Variants in PACRG observed in about 807,000 individuals in gnomAD.
PACRG encodes parkin coregulated, also known as parkin coregulated gene protein.
In PACRG, 29 loss-of-function variants were observed where a neutral mutation model predicts 29.7. The observed-to-expected ratio is 0.98, with a 90% CI of 0.73 to 1.33. The LOEUF is 1.33. Ranked by LOEUF, PACRG falls within the 40% of genes most tolerant of loss-of-function variation. The pLI, the probability that PACRG is intolerant of heterozygous loss-of-function variation, is 0.00. For missense variants in PACRG, 279 were observed against 316.2 expected (o/e 0.88, Z 0.89); for synonymous variants, 116 against 118.7 (o/e 0.98, Z 0.15).
At chr6:162,965,718 G>A (rs1426117975) in intron 2 of PACRG, among the ~76,000 whole-genome samples, 1 of 152,200 alleles carries the variant, frequency 6.6e-6, no homozygotes, top group African/African-American at 2.4e-5. Flanking sequence ...GGATTATAGT[G>A]ATGCTTTAGA....
chr6:162,938,283 C>T (rs1302979456), intron 2 of PACRG, among the ~76,000 whole-genome samples: 1 of 152,154 alleles, frequency 6.6e-6, no homozygotes, highest in Non-Finnish European at 1.5e-5. Flanking sequence ...ACCACAGTTT[C>T]TTTATCCACT....
intron 1 of PACRG, among the ~76,000 whole-genome samples, chr6:162,752,725 A>G (rs916282235): frequency 6.6e-6 from 1 of 152,202 alleles, no homozygotes; most frequent in African/African-American, 2.4e-5. Flanking sequence ...TAGTTACTTT[A>G]GTTTGATTTT....
chr6:163,206,253 C>T (rs934075376), intron 4 of PACRG, among the ~76,000 whole-genome samples: 35 of 152,112 alleles, frequency 2.3e-4, no homozygotes, highest in African/African-American at 5.1e-4. Context: ...CATAAAGACA[C>T]GTGCACGTGT....
chr6:163,252,894 C>A (rs1253979818), intron 4 of PACRG, among the ~76,000 whole-genome samples: 1 of 152,152 alleles, frequency 6.6e-6, no homozygotes, highest in Admixed American at 6.5e-5. Flanking sequence ...TAAGCAAATT[C>A]TGACTAAGAA....
At chr6:162,919,300 A>T (rs772002988) in intron 2 of PACRG, among the ~76,000 whole-genome samples, 4 of 152,290 alleles carry the variant, frequency 2.6e-5, no homozygotes, top group East Asian at 3.9e-4. Context: ...ATGGGAAGGA[A>T]CTACAAAGAG....
At chr6:162,941,044 GTGCA>G (rs1798589219) in intron 2 of PACRG, among the ~76,000 whole-genome samples, 1 of 40,926 alleles carries the variant, frequency 2.4e-5, no homozygotes, top group Non-Finnish European at 5.4e-5. Flanking sequence ...GTGTGTGTTT[GTGCA>G]TGTGTGTGTG....
At chr6:163,154,799 A>G (rs566942579) in intron 4 of PACRG, among the ~76,000 whole-genome samples, 18 of 152,212 alleles carry the variant, frequency 1.2e-4, no homozygotes, top group Non-Finnish European at 2.1e-4. Context: ...TCAGGCAACT[A>G]CAGGAAGAAC....
intron 4 of PACRG, among the ~76,000 whole-genome samples, chr6:163,176,681 T>C (rs978863237): frequency 6.6e-6 from 1 of 152,222 alleles, no homozygotes; most frequent in African/African-American, 2.4e-5. Flanking sequence ...GATGAAATGC[T>C]CTTGGAGCCT....
At chr6:163,028,012 T>C (rs2128225932) in intron 2 of PACRG, among the ~76,000 whole-genome samples, 1 of 152,276 alleles carries the variant, frequency 6.6e-6, no homozygotes, top group East Asian at 1.9e-4. Context: ...ACGCCAGCCT[T>C]GAGAGAAGTC....
chr6:162,807,537 T>A (rs576910794), intron 1 of PACRG, among the ~76,000 whole-genome samples: 1 of 152,240 alleles, frequency 6.6e-6, no homozygotes, highest in South Asian at 2.1e-4. Context: ...GGGAGAGAGA[T>A]AGGGGAATGG....
chr6:163,252,894 CT>C (rs1180125060), intron 4 of PACRG, among the ~76,000 whole-genome samples: 1 of 152,152 alleles, frequency 6.6e-6, no homozygotes, highest in Admixed American at 6.5e-5. Context: ...TAAGCAAATT[CT>C]GACTAAGAAT....
chr6:163,228,151 T>A (rs550089694), intron 4 of PACRG, among the ~76,000 whole-genome samples: 57 of 152,206 alleles, frequency 3.7e-4, no homozygotes, highest in African/African-American at 8.4e-4. Flanking sequence ...GAAAATTATT[T>A]TTTTTTCAAT....
At chr6:163,267,827 G>A (rs1783587708) in intron 4 of PACRG, among the ~76,000 whole-genome samples, 1 of 152,160 alleles carries the variant, frequency 6.6e-6, no homozygotes, top group Non-Finnish European at 1.5e-5. Context: ...AATAAATGTA[G>A]TCTTTCTCTC....
chr6:163,123,838 T>G (rs568196189), intron 4 of PACRG, among the ~76,000 whole-genome samples: 1 of 152,364 alleles, frequency 6.6e-6, no homozygotes, highest in Non-Finnish European at 1.5e-5. Flanking sequence ...TCCTTCTTTT[T>G]AAAGCCAGGA....
chr6:163,253,184 C>T (rs1782975259), intron 4 of PACRG, among the ~76,000 whole-genome samples: 1 of 151,562 alleles, frequency 6.6e-6, no homozygotes, highest in Non-Finnish European at 1.5e-5. Context: ...CCTATAATCC[C>T]AGCTACTCGG....
intron 4 of PACRG, among the ~76,000 whole-genome samples, chr6:163,311,235 A>G (rs893487004): frequency 1.3e-5 from 2 of 152,200 alleles, no homozygotes; most frequent in Non-Finnish European, 2.9e-5. Flanking sequence ...TCATCTTTCC[A>G]GAAGCACCAG....
intron 2 of PACRG, among the ~76,000 whole-genome samples, chr6:162,999,825 C>A (rs193207766): frequency 6.6e-6 from 1 of 152,182 alleles, no homozygotes; most frequent in Non-Finnish European, 1.5e-5. Flanking sequence ...TCATGGCCTG[C>A]GCCTGGTATT....
chr6:162,801,039 A>G (rs1785813538), intron 1 of PACRG, among the ~76,000 whole-genome samples: 1 of 152,186 alleles, frequency 6.6e-6, no homozygotes, highest in Admixed American at 6.5e-5. Flanking sequence ...TCTGGAAACA[A>G]GGCCGCTTAC....
intron 1 of PACRG, among the ~76,000 whole-genome samples, chr6:162,752,398 T>G (rs113110524): frequency 4.6e-5 from 7 of 152,234 alleles, no homozygotes; most frequent in African/African-American, 1.7e-4. Context: ...GAGTTAGGAT[T>G]GGAGATTTCC....
Sources: gnomAD v4.1 joint callset for allele counts (sites outside exome capture counted in the v4.1 genomes callset) on GRCh38, gnomAD v4.1.1 for gene constraint, MANE v1.5 for transcripts, NCBI Gene and HGNC (gene_info 2026-07-23, HGNC 2026-07-21) for gene names.